The following SGCZ variants were observed in gnomAD, a reference collection of about 807,000 sequenced individuals.
SGCZ encodes sarcoglycan zeta.
In SGCZ, 40 loss-of-function variants were observed where a neutral mutation model predicts 41.3. The observed-to-expected ratio is 0.97, with a 90% CI of 0.75 to 1.26. SGCZ has a LOEUF of 1.26. Among genes scored for constraint, SGCZ ranks in the 50% most tolerant of loss-of-function variants. The pLI, the probability that SGCZ is intolerant of heterozygous loss-of-function variation, is 0.00. For synonymous variants in SGCZ, 206 were observed against 137.5 expected, an observed-to-expected ratio of 1.50 and a Z score of -3.49; for missense variants, 552 against 369.8, an observed-to-expected ratio of 1.49 and a Z score of -4.04.
intron 3 of SGCZ, among the ~76,000 whole-genome samples, chr8:14,296,790 TA>T (rs914222514): frequency 6.6e-6 from 1 of 151,040 alleles, no homozygotes; most frequent in East Asian, 1.9e-4. Context: ...GTCAAATAAA[TA>T]AAAAAAATTA....
intron 1 of SGCZ, among the ~76,000 whole-genome samples, chr8:14,609,790 C>T (rs1465612217): frequency 2.6e-5 from 4 of 151,990 alleles, no homozygotes; most frequent in Admixed American, 6.6e-5. Context: ...TCTCATTTCT[C>T]TTTAAGTAGC....
intron 1 of SGCZ, among the ~76,000 whole-genome samples, chr8:15,086,106 A>G (rs946288784): frequency 2.6e-5 from 4 of 152,350 alleles, no homozygotes; most frequent in African/African-American, 7.2e-5. Flanking sequence ...CTTAATTAGC[A>G]TTCTTCAGAT....
chr8:14,245,944 G>A (rs1409456029), intron 3 of SGCZ, among the ~76,000 whole-genome samples: 31 of 152,212 alleles, frequency 2.0e-4, no homozygotes, highest in African/African-American at 5.1e-4. Flanking sequence ...AAGTCAGGAA[G>A]CAACAGGTGC....
At chr8:14,198,059 A>G (rs1220519599) in intron 4 of SGCZ, among the ~76,000 whole-genome samples, 2 of 152,238 alleles carry the variant, frequency 1.3e-5, no homozygotes, top group Non-Finnish European at 2.9e-5. Flanking sequence ...AATACATTAT[A>G]GCAGTCCTCA....
At chr8:14,461,959 T>G (rs1414187219) in intron 2 of SGCZ, among the ~76,000 whole-genome samples, 1 of 152,062 alleles carries the variant, frequency 6.6e-6, no homozygotes. Flanking sequence ...CTGAAAACGT[T>G]TTAATACTTA....
intron 1 of SGCZ, among the ~76,000 whole-genome samples, chr8:14,753,789 A>G (rs1799570952): frequency 6.6e-6 from 1 of 152,164 alleles, no homozygotes; most frequent in Non-Finnish European, 1.5e-5. Context: ...TGACAGCCAA[A>G]TCTGGAATTA....
intron 3 of SGCZ, among the ~76,000 whole-genome samples, chr8:14,244,324 C>T (rs941768614): frequency 4.0e-5 from 6 of 151,788 alleles, no homozygotes; most frequent in Admixed American, 6.6e-5. Context: ...AATTCATTTC[C>T]GTGAAACAAG....
chr8:14,369,454 G>T (rs1239410754), intron 2 of SGCZ, among the ~76,000 whole-genome samples: 3 of 151,878 alleles, frequency 2.0e-5, no homozygotes, highest in Admixed American at 6.6e-5. Flanking sequence ...CCTTCCCAGT[G>T]CATCATAGCT....
At chr8:14,957,356 A>C (rs1800824150) in intron 1 of SGCZ, among the ~76,000 whole-genome samples, 1 of 152,056 alleles carries the variant, frequency 6.6e-6, no homozygotes, top group African/African-American at 2.4e-5. Flanking sequence ...AAATAGCTTC[A>C]GTGTGCTTGT....
intron 2 of SGCZ, among the ~76,000 whole-genome samples, chr8:14,475,261 T>C (rs1207392109): frequency 1.3e-5 from 2 of 152,194 alleles, no homozygotes; most frequent in Non-Finnish European, 2.9e-5. Context: ...CTAAATATTA[T>C]CACCTTCTAG....
At chr8:14,258,250 C>T (rs908294550) in intron 3 of SGCZ, among the ~76,000 whole-genome samples, 1 of 118,158 alleles carries the variant, frequency 8.5e-6, no homozygotes, top group African/African-American at 2.7e-5. Flanking sequence ...AAAACTAGGT[C>T]TGTCCTTGTG....
chr8:14,278,570 T>C (rs1800313170), intron 3 of SGCZ, among the ~76,000 whole-genome samples: 1 of 152,114 alleles, frequency 6.6e-6, no homozygotes, highest in Non-Finnish European at 1.5e-5. Context: ...AAAATAGTAT[T>C]AAAAGAAGAT....
chr8:14,901,435 T>G (rs1308950624), intron 1 of SGCZ, among the ~76,000 whole-genome samples: 1 of 152,190 alleles, frequency 6.6e-6, no homozygotes, highest in African/African-American at 2.4e-5. Context: ...ATTAAGAGAA[T>G]AAAACGTAGG....
At chr8:14,229,385 T>G (rs1806483374) in intron 4 of SGCZ, among the ~76,000 whole-genome samples, 1 of 152,094 alleles carries the variant, frequency 6.6e-6, no homozygotes, top group South Asian at 2.1e-4. Flanking sequence ...CTCTAATTTC[T>G]AAAGCGTGAC....
rs557435163 is a variant in SGCZ at position 15,066,421 on chromosome 8, G to T, written c.39+171164C>A. 2.0e-5 allele frequency among the ~76,000 whole-genome samples: 3 copies of T among 151,000 alleles called. No individual in the cohort carries two copies. In the South Asian group the frequency reaches 6.2e-4, roughly 31 times the overall value. On this transcript the variant is annotated intron_variant, in intron 1 of 7. Coordinates refer to ENST00000382080, the MANE Select transcript of SGCZ (RefSeq NM_139167.4). ...CCTTCTGTGGTATATTATAATAACT[G>T]TTCCAATAGTCTAATTCTAATGTTT...
intron 2 of SGCZ, among the ~76,000 whole-genome samples, chr8:14,325,364 T>C (rs1171146311): frequency 2.0e-5 from 3 of 151,734 alleles, no homozygotes; most frequent in African/African-American, 7.3e-5. Context: ...TAAGAAAATA[T>C]AGTGACTTTA....
At chr8:14,173,560 C>T (rs191741586) in intron 4 of SGCZ, among the ~76,000 whole-genome samples, 49 of 152,162 alleles carry the variant, frequency 3.2e-4, no homozygotes, top group Non-Finnish European at 6.5e-4. Context: ...TATAACAACT[C>T]TCCAAATGAA....
chr8:14,214,506 G>C (rs376128045), intron 4 of SGCZ, among the ~76,000 whole-genome samples: 1 of 151,930 alleles, frequency 6.6e-6, no homozygotes, highest in Non-Finnish European at 1.5e-5. Context: ...GGAAAAACTG[G>C]AACTTTCTGT....
chr8:14,220,514 A>C (rs550909887), intron 4 of SGCZ, among the ~76,000 whole-genome samples: 1 of 152,202 alleles, frequency 6.6e-6, no homozygotes, highest in African/African-American at 2.4e-5. Flanking sequence ...CACTTTGTAA[A>C]AATCCCTCAG....
Sources: gnomAD v4.1 joint callset for allele counts (sites outside exome capture counted in the v4.1 genomes callset) on GRCh38, gnomAD v4.1.1 for gene constraint, MANE v1.5 for transcripts, NCBI Gene and HGNC (gene_info 2026-07-23, HGNC 2026-07-21) for gene names.